ARHGAP17: variants seen among roughly 807,000 people sequenced by gnomAD.
ARHGAP17 encodes the protein rho GTPase-activating protein 17.
In ARHGAP17, 57 loss-of-function variants were observed where a neutral mutation model predicts 99.5. The ratio of observed to expected loss-of-function variants is 0.57; its 90% CI spans 0.46 to 0.71. The LOEUF is 0.71. Among genes scored for constraint, ARHGAP17 ranks in the 30% least tolerant of loss-of-function variants. The probability of loss-of-function intolerance (pLI) is 0.00; values close to 1 mark genes in which losing one functional copy is unlikely to be tolerated. For synonymous variants in ARHGAP17, 417 were observed against 429.6 expected (o/e 0.97, Z 0.36); for missense variants, 1,000 against 1,122.4 (o/e 0.89, Z 1.56).
At chr16:24,922,393 A>G (rs1003153560) in intron 19 of ARHGAP17, among the ~76,000 whole-genome samples, 1 of 152,186 alleles carries the variant, frequency 6.6e-6, no homozygotes, top group Non-Finnish European at 1.5e-5. Context: ...TATACATCAC[A>G]TATACATAAT....
intron 18 of ARHGAP17, among the ~76,000 whole-genome samples, chr16:24,932,535 C>G (rs1313925663): frequency 1.3e-5 from 2 of 152,028 alleles, no homozygotes; most frequent in African/African-American, 2.4e-5. Context: ...GACCCCTGAT[C>G]CCAAGCCACC....
intron 6 of ARHGAP17, among the ~76,000 whole-genome samples, chr16:24,967,266 T>C (rs2052216099): frequency 6.6e-6 from 1 of 152,250 alleles, no homozygotes; most frequent in African/African-American, 2.4e-5. Context: ...TAAAGTTTTA[T>C]TGGAACACAG....
rs922898161 is a variant in ARHGAP17 at position 24,959,602 on chromosome 16, G to T, written c.724+69C>A. 8.1e-6 allele frequency: 12 copies of T among 1,487,216 alleles called. 1 individual carries two copies. The highest frequency in any genetic ancestry group is 1.1e-5 in the Non-Finnish European group (12 of 1,076,524). The allele number at this position is 1,487,216 out of a possible 1,614,324, so 92.1% of individuals were successfully genotyped here. A position where few individuals can be genotyped will look rare whatever the true frequency, so the allele number is the denominator to read the frequency against. On this transcript the variant is annotated intron_variant, in intron 9 of 19. Coordinates refer to ENST00000289968, the MANE Select transcript of ARHGAP17 (RefSeq NM_001006634.3). ...AGGACGTGCATGCAGAGGAGTCAGG[G>T]TGAAGAAGAACCCAGGCAGAGGTGG...
intron 1 of ARHGAP17, among the ~76,000 whole-genome samples, chr16:24,981,406 T>G (rs1030960857): frequency 2.0e-5 from 3 of 152,020 alleles, no homozygotes; most frequent in Non-Finnish European, 4.4e-5. Context: ...AAATATCAAA[T>G]AGTAATACAA....
chr16:24,935,780 A>G, intron 17 of ARHGAP17, 141 bp from the exon 18 acceptor site: 2 of 880,498 alleles, frequency 2.3e-6, no homozygotes, highest in Admixed American at 2.1e-5. Flanking sequence ...ACTAGCTCAC[A>G]CTGGGCTTAT....
chr16:24,949,295 T>G, intron 13 of ARHGAP17, 109 bp downstream of exon 13: 1 of 768,114 alleles, frequency 1.3e-6, no homozygotes, highest in Non-Finnish European at 2.0e-6. Context: ...GTTTTTTTTG[T>G]TGTTGTTGTT....
intron 1 of ARHGAP17, among the ~76,000 whole-genome samples, chr16:24,991,202 C>T (rs550805001): frequency 6.6e-6 from 1 of 152,248 alleles, no homozygotes; most frequent in East Asian, 1.9e-4. Context: ...AGAAACATTT[C>T]CTCCACTGTG....
At chr16:24,929,679 A>C (rs1014833705) in intron 19 of ARHGAP17, 1 of 987,310 alleles carries the variant, frequency 1.0e-6, no homozygotes, top group Non-Finnish European at 1.2e-6. Flanking sequence ...AAACAAAACA[A>C]ACAAACCAAC....
At chr16:24,920,455 C>T in intron 19 of ARHGAP17, 195 bp from the exon 20 acceptor site, 1 of 590,952 alleles carries the variant, frequency 1.7e-6, no homozygotes, top group Non-Finnish European at 2.9e-6. Flanking sequence ...CTGAGTAGCA[C>T]AGCCTTGCCT....
chr16:24,931,127 T>C lies in ARHGAP17; in HGVS notation c.2172A>G (p.Pro724=), dbSNP rs1231485502. ...GGCTATTGGGTTTGGTGTGCATCAGTGGCGTGGCCTGCGTAGGGGGCTGCG... is the reference window on the plus strand; with the variant it reads ...GGCTATTGGGTTTGGTGTGCATCAGCGGCGTGGCCTGCGTAGGGGGCTGCG... ...PPPQPPTQAT[P]LMHTKPNSQG... Residue 724 remains proline (P), a synonymous_variant, in exon 19 of 20, where the codon CCA becomes CCG. Transcript: ENST00000289968. 4 of 1,606,160 alleles carry C rather than the reference T, an allele frequency of 2.5e-6. No individual in the cohort carries two copies. The highest frequency in any genetic ancestry group is 1.7e-5 in the Admixed American group (1 of 59,182).
intron 1 of ARHGAP17, among the ~76,000 whole-genome samples, chr16:24,982,339 G>A (rs935505174): frequency 1.6e-4 from 24 of 151,974 alleles, no homozygotes; most frequent in African/African-American, 4.1e-4. Flanking sequence ...GGGAGGCGGA[G>A]GTTGCAGTGA....
chr16:24,953,728 T>C (rs370225090), intron 10 of ARHGAP17, among the ~76,000 whole-genome samples: 47 of 152,292 alleles, frequency 3.1e-4, no homozygotes, highest in South Asian at 8.3e-4. Flanking sequence ...AGTGTGAGAA[T>C]GGACGAATAC....
chr16:24,956,057 A>T (rs761043140), intron 9 of ARHGAP17: 2 of 152,194 alleles, frequency 1.3e-5, no homozygotes, highest in Non-Finnish European at 2.9e-5. Flanking sequence ...TCTTACCTGA[A>T]ATACTTTGTC....
chr16:24,939,411 G>A lies in ARHGAP17; in HGVS notation c.1677C>T (p.Pro559=), dbSNP rs2051246343. The change falls in exon 17 of 20, where the codon CCC becomes CCT. Residue 559 remains proline (P), a synonymous_variant. Transcript: ENST00000289968. ...CCTGCTCCAGTATGCCCGCGGAAGA[G>A]GGGACAGTCCCACCCCCAGAGCTGC... ...AESSSGGGTV[P]SSAGILEQGP... The A allele has an allele frequency of 5.6e-6, 9 of 1,611,226 alleles. No individual in the cohort carries two copies. The Admixed American group carries it at 1.2e-4, about 21-fold the overall frequency.
At chr16:24,957,878 T>C (rs1234659867) in intron 9 of ARHGAP17, among the ~76,000 whole-genome samples, 5 of 152,072 alleles carry the variant, frequency 3.3e-5, no homozygotes, top group African/African-American at 1.2e-4. Context: ...GACACCAGAG[T>C]CCACGGAGGT....
chr16:24,939,012 T>C (rs1358853756), intron 17 of ARHGAP17, among the ~76,000 whole-genome samples: 2 of 152,168 alleles, frequency 1.3e-5, no homozygotes, highest in African/African-American at 4.8e-5. Context: ...AAATGCTTCC[T>C]GGTTAGCACA....
intron 1 of ARHGAP17, among the ~76,000 whole-genome samples, chr16:24,989,322 C>A (rs1047335094): frequency 6.6e-6 from 1 of 152,212 alleles, no homozygotes; most frequent in Non-Finnish European, 1.5e-5. Flanking sequence ...ATGTTAAGTT[C>A]TCAGTCCAAC....
intron 4 of ARHGAP17, 64 bp from the exon 5 acceptor site, chr16:24,968,836 T>C: frequency 1.3e-6 from 2 of 1,504,564 alleles, no homozygotes; most frequent in Non-Finnish European, 1.8e-6. Context: ...GATTATCGTG[T>C]GGATCAGTGC....
intron 1 of ARHGAP17, among the ~76,000 whole-genome samples, chr16:24,989,292 C>G (rs1229067148): frequency 6.6e-6 from 1 of 152,126 alleles, no homozygotes; most frequent in African/African-American, 2.4e-5. Context: ...CAAGCTCATC[C>G]CCATAAAAAC....
Sources: gnomAD v4.1 joint callset for allele counts (sites outside exome capture counted in the v4.1 genomes callset) on GRCh38, gnomAD v4.1.1 for gene constraint, MANE v1.5 for transcripts, NCBI Gene and HGNC (gene_info 2026-07-23, HGNC 2026-07-21) for gene names.